The following ZNF827 variants were observed in gnomAD, a reference collection of about 807,000 sequenced individuals.
ZNF827 encodes zinc finger protein 827.
ZNF827 carries 13 observed loss-of-function variants against 102.4 expected under a neutral mutation model. That is an observed-to-expected ratio of 0.13 (90% CI 0.08 to 0.20). The LOEUF (loss-of-function observed/expected upper bound fraction) is 0.20, where lower values mean the gene tolerates loss of function less well. Ranked by LOEUF, ZNF827 falls within the 10% of genes least tolerant of loss-of-function variation. The pLI is 1.00. For synonymous variants in ZNF827, 523 were observed against 536.2 expected (o/e 0.98, Z 0.34); for missense variants, 1,103 against 1,344.4 (o/e 0.82, Z 2.81).
intron 7 of ZNF827, among the ~76,000 whole-genome samples, chr4:145,834,532 G>A (rs535690970): frequency 2.6e-5 from 4 of 151,996 alleles, no homozygotes; most frequent in Non-Finnish European, 4.4e-5. Flanking sequence ...TTACAGTTTC[G>A]TTCCGTGACT....
At chr4:145,836,690 C>T (rs1678765501) in intron 7 of ZNF827, among the ~76,000 whole-genome samples, 1 of 151,946 alleles carries the variant, frequency 6.6e-6, no homozygotes, top group Admixed American at 6.6e-5. Context: ...CCCCAAATTT[C>T]CTTCTTTCCT....
chr4:145,902,989 G>C lies in ZNF827; in HGVS notation c.270C>G (p.Val90=). ...TLELVALDSE[V]LRDSLQCQDH... is the part of the protein sequence containing the mutation. ...CTTGACACTGCAGTGAGTCTCGCAGGACCTCACTGTCCAGTGCCACCAGCT... is the reference window on the plus strand; with the variant it reads ...CTTGACACTGCAGTGAGTCTCGCAGCACCTCACTGTCCAGTGCCACCAGCT... The change falls in exon 2 of 15, where the codon GTC becomes GTG. Residue 90 remains valine, a synonymous_variant. Coordinates refer to ENST00000508784, the MANE Select transcript of ZNF827 (RefSeq NM_001306215.2). The surrounding 1 kb of genome is among the most constrained non-coding windows in gnomAD (Gnocchi z 4.3). 6.2e-7 allele frequency: 1 copy of C among 1,614,118 alleles called. No homozygotes were observed. Among genetic ancestry groups the C allele is most frequent in the Non-Finnish European group, 8.5e-7 (1 of 1,180,022 alleles).
intron 8 of ZNF827, among the ~76,000 whole-genome samples, chr4:145,782,057 C>T (rs1300403867): frequency 2.6e-5 from 4 of 152,224 alleles, no homozygotes; most frequent in Non-Finnish European, 5.9e-5. Context: ...TCCCCGGAGT[C>T]GCAGTGAGGC....
chr4:145,899,632 C>T (rs954208877), intron 2 of ZNF827, among the ~76,000 whole-genome samples: 4 of 152,270 alleles, frequency 2.6e-5, no homozygotes, highest in Admixed American at 6.5e-5. Flanking sequence ...GAATATTTTT[C>T]GGGTAACAAT....
At position 145,856,722 on chromosome 4, in the gene ZNF827, CA is replaced by C. The variant is rs1317752914; in HGVS notation, c.1982-7162del. Among the ~76,000 whole-genome samples the C allele has an allele frequency of 6.7e-4, 91 of 136,676 alleles. No homozygotes were observed. In the Middle Eastern group the frequency reaches 0.015, roughly 22 times the overall value. 89.7% of individuals were successfully genotyped at this position (136,676 alleles called of 152,430 possible). Reference sequence around the variant, plus strand: ...ACACACACACACACACACACACACACACCCCATTTCACTCAGAATAGTGCAG... The same window carrying C: ...ACACACACACACACACACACACACACCCCCATTTCACTCAGAATAGTGCAG... On this transcript the variant is annotated intron_variant, in intron 5 of 14. Transcript: ENST00000508784.
chr4:145,796,793 C>T (rs939040025), intron 8 of ZNF827, among the ~76,000 whole-genome samples: 25 of 152,196 alleles, frequency 1.6e-4, no homozygotes, highest in African/African-American at 5.8e-4. Flanking sequence ...CCACGCCTGG[C>T]TAATTTTTTG....
chr4:145,919,623 T>A (rs1334150221), intron 1 of ZNF827, among the ~76,000 whole-genome samples: 1 of 152,178 alleles, frequency 6.6e-6, no homozygotes, highest in Non-Finnish European at 1.5e-5. Flanking sequence ...AGGAATACAG[T>A]GATGAACCAG....
At chr4:145,922,918 G>A (rs1325884882) in intron 1 of ZNF827, among the ~76,000 whole-genome samples, 1 of 152,210 alleles carries the variant, frequency 6.6e-6, no homozygotes, top group Non-Finnish European at 1.5e-5. Flanking sequence ...ATCTTACACT[G>A]TGAATTTGAC....
intron 7 of ZNF827, among the ~76,000 whole-genome samples, chr4:145,837,865 C>G (rs1745014884): frequency 6.6e-6 from 1 of 152,056 alleles, no homozygotes; most frequent in African/African-American, 2.4e-5. Context: ...CACAATATCA[C>G]CCCTTACAAG....
chr4:145,916,871 G>A (rs973225367), intron 1 of ZNF827, among the ~76,000 whole-genome samples: 4 of 152,106 alleles, frequency 2.6e-5, no homozygotes, highest in Admixed American at 6.5e-5. Flanking sequence ...CTAAAAGCCC[G>A]AGGGTATGGA....
At chr4:145,852,938 C>T (rs889098578) in intron 5 of ZNF827, among the ~76,000 whole-genome samples, 2 of 152,132 alleles carry the variant, frequency 1.3e-5, no homozygotes, top group Non-Finnish European at 2.9e-5. Flanking sequence ...GGGCTCCATC[C>T]TCTAGTTTTA....
At chr4:145,922,780 C>G (rs1434256737) in intron 1 of ZNF827, among the ~76,000 whole-genome samples, 3 of 152,170 alleles carry the variant, frequency 2.0e-5, no homozygotes, top group African/African-American at 4.8e-5. Context: ...ATTCAAGTAT[C>G]GGTATTTGGC....
chr4:145,768,985 C>T (rs938406673), intron 11 of ZNF827, among the ~76,000 whole-genome samples: 18 of 131,668 alleles, frequency 1.4e-4, no homozygotes, highest in African/African-American at 4.8e-4. Flanking sequence ...TTATTGGTGT[C>T]ATGTTTGTTT....
At chr4:145,921,582 T>C (rs986495796) in intron 1 of ZNF827, among the ~76,000 whole-genome samples, 1 of 151,092 alleles carries the variant, frequency 6.6e-6, no homozygotes, top group African/African-American at 2.4e-5. Context: ...TGATTTATTC[T>C]AGAGATATTT....
chr4:145,850,366 C>G (rs1000524103), intron 5 of ZNF827, among the ~76,000 whole-genome samples: 6 of 152,150 alleles, frequency 3.9e-5, no homozygotes, highest in Non-Finnish European at 7.3e-5. Context: ...AGGGCACATA[C>G]ATTAATCAAG....
chr4:145,900,013 A>G (rs528186057), intron 2 of ZNF827, among the ~76,000 whole-genome samples: 9 of 152,252 alleles, frequency 5.9e-5, no homozygotes, highest in Admixed American at 1.3e-4. Flanking sequence ...AGTTGCTGGC[A>G]TAGATTAAGT....
rs1215243472 is a variant in ZNF827 at position 145,762,176 on chromosome 4, T to TCTCTCTGTGTGAGTGTGTGC, written c.*18-598_*18-579dup. ...GTTAGGATGAGAAGGCCTGTGTGTG[T>TCTCTCTGTGTGAGTGTGTGC]CTCTCTGTGTGAGTGTGTGCATGTG... is the stretch of plus-strand genomic sequence containing the variant. On this transcript the variant is annotated intron_variant, in intron 14 of 14. Transcript: ENST00000508784. The surrounding 1 kb of genome is among the most constrained non-coding windows in gnomAD (Gnocchi z 4.9). Among the ~76,000 whole-genome samples, 3 of 152,164 alleles carry TCTCTCTGTGTGAGTGTGTGC rather than the reference T, an allele frequency of 2.0e-5. No individual in the cohort carries two copies. In the East Asian group the frequency reaches 5.8e-4, roughly 29 times the overall value.
chr4:145,850,389 C>T (rs977524728), intron 5 of ZNF827, among the ~76,000 whole-genome samples: 3 of 152,160 alleles, frequency 2.0e-5, no homozygotes, highest in African/African-American at 7.2e-5. Flanking sequence ...TAAATAGGGT[C>T]AATTCAACGG....
chr4:145,938,570 G>T lies in ZNF827; in HGVS notation c.-163C>A. The T allele has an allele frequency of 1.1e-5, 6 of 538,024 alleles. No individual in the cohort carries two copies. The highest frequency in any genetic ancestry group is 2.8e-5 in the South Asian group (1 of 35,674). 33.3% of individuals were successfully genotyped at this position (538,024 alleles called of 1,614,324 possible). A position where few individuals can be genotyped will look rare whatever the true frequency, so the allele number is the denominator to read the frequency against. On this transcript the variant is annotated 5_prime_UTR_variant, in exon 1 of 15. Transcript: ENST00000508784. ...CGGTGTGTGCAATGGGTTGAAGCTT[G>T]TTTCCTGGAGCCAGAAGAGGGGTTT... is the stretch of plus-strand genomic sequence containing the variant.
Sources: allele counts gnomAD v4.1 joint callset (sites outside exome capture counted in the v4.1 genomes callset), GRCh38; gene constraint gnomAD v4.1.1; non-coding constraint Gnocchi (gnomAD v3.1); transcripts MANE v1.5; gene names NCBI Gene and HGNC (gene_info 2026-07-23, HGNC 2026-07-21).